Variants in SNX30 observed in about 807,000 individuals in gnomAD.
The protein encoded by SNX30 is sorting nexin-30.
Under a neutral mutation model 46.4 loss-of-function variants are expected in SNX30, and 24 were observed. The observed-to-expected ratio is 0.52, with a 90% CI of 0.37 to 0.73. The LOEUF is 0.73. SNX30 is among the 30% of genes least tolerant of loss of function. The pLI is 0.00. For synonymous variants in SNX30, 189 were observed against 211.5 expected, an observed-to-expected ratio of 0.89 and a Z score of 0.92; for missense variants, 533 against 555.7, an observed-to-expected ratio of 0.96 and a Z score of 0.41.
chr9:112,878,438 T>C (rs1269407217), downstream of SNX30: 2 of 152,264 alleles, frequency 1.3e-5, no homozygotes, highest in Non-Finnish European at 2.9e-5. Flanking sequence ...CTTCCAGCCT[T>C]GTCATAGAAG....
intron 7 of SNX30, among the ~76,000 whole-genome samples, chr9:112,854,569 A>G (rs1183037291): frequency 6.6e-6 from 1 of 152,024 alleles, no homozygotes; most frequent in African/African-American, 2.4e-5. Flanking sequence ...TGCCACATTC[A>G]CTTTGCTGCT....
At position 112,871,715 on chromosome 9, in the gene SNX30, CAGAAG is replaced by C; in HGVS notation, c.*2876_*2880del. 1 of 152,092 alleles carries C rather than the reference CAGAAG, an allele frequency of 6.6e-6. No individual in the cohort carries two copies. Among genetic ancestry groups the C allele is most frequent in the East Asian group, 1.9e-4 (1 of 5,180 alleles). The allele number at this position is 152,092 out of a possible 1,614,324, so 9.4% of individuals were successfully genotyped here. A position where few individuals can be genotyped will look rare whatever the true frequency, so the allele number is the denominator to read the frequency against. ...CCCGGGTTAAAAATCCAGAGGAAGA[CAGAAG>C]AGAGGAGTCCTAGGAACTGAGCAGA... On this transcript the variant is annotated 3_prime_UTR_variant, in exon 9 of 9. Coordinates refer to ENST00000374232, the MANE Select transcript of SNX30 (RefSeq NM_001012994.2).
chr9:112,840,955 A>T (rs1482563172), intron 6 of SNX30, among the ~76,000 whole-genome samples: 1 of 143,518 alleles, frequency 7.0e-6, no homozygotes, highest in East Asian at 2.1e-4. Flanking sequence ...AATTTTTTGT[A>T]TTTTTTTAGT....
intron 1 of SNX30, among the ~76,000 whole-genome samples, chr9:112,776,096 GT>G (rs1360316434): frequency 6.6e-6 from 1 of 151,896 alleles, no homozygotes; most frequent in Non-Finnish European, 1.5e-5. Context: ...GGTATTTTAT[GT>G]TTTTTGTTTT....
At chr9:112,834,843 A>AACACAC (rs79118828) in intron 4 of SNX30, among the ~76,000 whole-genome samples, 6,259 of 78,206 alleles carry the variant, frequency 0.08, 218 homozygotes, top group Admixed American at 0.16. Flanking sequence ...CACACACACA[A>AACACAC]ACACACACAC....
downstream of SNX30, among the ~76,000 whole-genome samples, chr9:112,883,000 T>C (rs1257700178): frequency 6.6e-6 from 1 of 152,166 alleles, no homozygotes; most frequent in Non-Finnish European, 1.5e-5. Context: ...AAATATCTCC[T>C]GAGGAAAGAG....
intron 1 of SNX30, among the ~76,000 whole-genome samples, chr9:112,771,149 A>G (rs1178004859): frequency 6.6e-6 from 1 of 152,222 alleles, no homozygotes; most frequent in Non-Finnish European, 1.5e-5. Flanking sequence ...TGTGCTGTAA[A>G]CTTCTTGAAG....
chr9:112,823,306 T>C (rs1840534214), intron 3 of SNX30, among the ~76,000 whole-genome samples: 1 of 152,248 alleles, frequency 6.6e-6, no homozygotes, highest in African/African-American at 2.4e-5. Context: ...TATTGTTAAC[T>C]ATAGGTACCA....
At chr9:112,877,079 G>A (rs1588147538), downstream of SNX30, 4 of 152,158 alleles carry the variant, frequency 2.6e-5, no homozygotes, top group Admixed American at 2.0e-4. Context: ...AGTTTGACTT[G>A]GGTGAGATCC....
At chr9:112,793,378 C>T (rs1353125157) in intron 1 of SNX30, among the ~76,000 whole-genome samples, 1 of 152,178 alleles carries the variant, frequency 6.6e-6, no homozygotes, top group Non-Finnish European at 1.5e-5. Flanking sequence ...CTCTACCCAT[C>T]ATGCGGGGGG....
intron 1 of SNX30, among the ~76,000 whole-genome samples, chr9:112,797,844 G>A (rs868451285): frequency 1.2e-4 from 18 of 147,374 alleles, no homozygotes; most frequent in Middle Eastern, 3.3e-3. Context: ...CCGAGTAGGC[G>A]CACGCCACCG....
intron 1 of SNX30, among the ~76,000 whole-genome samples, chr9:112,780,848 A>G (rs1190714778): frequency 1.3e-5 from 2 of 152,188 alleles, no homozygotes; most frequent in Admixed American, 1.3e-4. Context: ...ACAAATGGAT[A>G]CGGTAATGTG....
chr9:112,777,418 A>ATATTTATTTATT (rs111364157), intron 1 of SNX30, among the ~76,000 whole-genome samples: 1 of 150,542 alleles, frequency 6.6e-6, no homozygotes, highest in Non-Finnish European at 1.5e-5. Flanking sequence ...CTTTTTAAAG[A>ATATTTATTTATT]TATTTATTTA....
intron 7 of SNX30, among the ~76,000 whole-genome samples, chr9:112,855,960 G>T (rs186149492): frequency 2.2e-3 from 332 of 152,284 alleles, no homozygotes; most frequent in Non-Finnish European, 3.8e-3. Context: ...TGAGGAATTA[G>T]ATTTTAAATG....
intron 7 of SNX30, among the ~76,000 whole-genome samples, chr9:112,857,764 G>C (rs1028383316): frequency 2.6e-5 from 3 of 115,494 alleles, no homozygotes; most frequent in African/African-American, 6.5e-5. Context: ...ACGCATGCAT[G>C]CATGCATCCA....
intron 7 of SNX30, among the ~76,000 whole-genome samples, chr9:112,851,951 A>G (rs997844508): frequency 2.0e-5 from 3 of 152,192 alleles, no homozygotes; most frequent in Admixed American, 6.5e-5. Flanking sequence ...AAATCATCCT[A>G]TGTCATCCCT....
chr9:112,873,169 C>T lies in SNX30; in HGVS notation c.*4326C>T, dbSNP rs902539395. 4 of 152,112 alleles carry T rather than the reference C, an allele frequency of 2.6e-5. No individual in the cohort carries two copies. Among genetic ancestry groups the T allele is most frequent in the Admixed American group, 1.3e-4 (2 of 15,262 alleles). 9.4% of individuals were successfully genotyped at this position (152,112 alleles called of 1,614,324 possible). On this transcript the variant is annotated 3_prime_UTR_variant, in exon 9 of 9. Transcript: ENST00000374232. ...ACATCCTGAGTATGACTGTCTAACC[C>T]TTTCTGTGTGGCAGAAAAATATGTT...
intron 4 of SNX30, among the ~76,000 whole-genome samples, chr9:112,834,687 G>T (rs148104081): frequency 6.6e-6 from 1 of 152,080 alleles, no homozygotes; most frequent in Non-Finnish European, 1.5e-5. Flanking sequence ...GGGAAGATTC[G>T]AGTCCTGCCT....
intron 7 of SNX30, among the ~76,000 whole-genome samples, chr9:112,851,563 G>T (rs1276712710): frequency 6.6e-6 from 1 of 152,168 alleles, no homozygotes; most frequent in Non-Finnish European, 1.5e-5. Context: ...ATGCCTTCTG[G>T]CTCCAGTGTT....
Sources: gnomAD v4.1 joint callset for allele counts (sites outside exome capture counted in the v4.1 genomes callset) on GRCh38, gnomAD v4.1.1 for gene constraint, MANE v1.5 for transcripts, NCBI Gene and HGNC (gene_info 2026-07-23, HGNC 2026-07-21) for gene names.